Variants in GLI3 observed in about 807,000 individuals in gnomAD.
GLI3 encodes the protein GLI family zinc finger 3, also known as transcription activator GLI3.
Under a neutral mutation model 100.8 loss-of-function variants are expected in GLI3, and 20 were observed. The ratio of observed to expected loss-of-function variants is 0.20; its 90% CI spans 0.14 to 0.29. GLI3 has a LOEUF of 0.29. Among genes scored for constraint, GLI3 ranks in the 10% least tolerant of loss-of-function variants. The pLI is 1.00. For synonymous variants in GLI3, 938 were observed against 860.5 expected (o/e 1.09, Z -1.58); for missense variants, 2,040 against 2,128.5 (o/e 0.96, Z 0.82).
chr7:42,035,049 T>C (rs954941673), intron 7 of GLI3, among the ~76,000 whole-genome samples: 1 of 152,226 alleles, frequency 6.6e-6, no homozygotes, highest in Non-Finnish European at 1.5e-5. Context: ...GTAATATTAA[T>C]TACTTTTAAG....
At chr7:42,137,450 C>G (rs1463639449) in intron 3 of GLI3, among the ~76,000 whole-genome samples, 1 of 152,174 alleles carries the variant, frequency 6.6e-6, no homozygotes, top group Non-Finnish European at 1.5e-5. Flanking sequence ...CTCTCCGCTC[C>G]TGGTACTTTT....
chr7:42,177,351 A>G lies in GLI3; in HGVS notation c.125-28883T>C, dbSNP rs184348717. On this transcript the variant is annotated intron_variant, in intron 2 of 14. Coordinates refer to ENST00000395925, the MANE Select transcript of GLI3 (RefSeq NM_000168.6). ...AAGAGGACTGTAACTTCAAATAAAGAGAAAGATTTCATGACCTTGGCCTTT... is the reference window on the plus strand; with the variant it reads ...AAGAGGACTGTAACTTCAAATAAAGGGAAAGATTTCATGACCTTGGCCTTT... Among the ~76,000 whole-genome samples the G allele has an allele frequency of 2.6e-5, 4 of 152,284 alleles. No homozygotes were observed. In the East Asian group the frequency reaches 7.7e-4, roughly 29 times the overall value.
At position 41,962,944 on chromosome 7, in the gene GLI3, T is replaced by C. The variant is rs886062322; in HGVS notation, c.*1386A>G. The C allele has an allele frequency of 2.6e-5, 4 of 152,182 alleles. No individual in the cohort carries two copies. Among genetic ancestry groups the C allele is most frequent in the Non-Finnish European group, 5.9e-5 (4 of 68,036 alleles). 9.4% of individuals were successfully genotyped at this position (152,182 alleles called of 1,614,324 possible). A position where few individuals can be genotyped will look rare whatever the true frequency, so the allele number is the denominator to read the frequency against. On this transcript the variant is annotated 3_prime_UTR_variant, in exon 15 of 15. Transcript: ENST00000395925. ...CTCTTTGTGCACACACAGTATGACTTTTATGTGTATCAAATGCACGTGGGG... is the reference window on the plus strand; with the variant it reads ...CTCTTTGTGCACACACAGTATGACTCTTATGTGTATCAAATGCACGTGGGG...
intron 1 of GLI3, among the ~76,000 whole-genome samples, chr7:42,259,226 T>A (rs935841024): frequency 6.6e-6 from 1 of 152,250 alleles, no homozygotes; most frequent in African/African-American, 2.4e-5. Context: ...AAACAAATGC[T>A]ACCATTTTTG....
intron 4 of GLI3, among the ~76,000 whole-genome samples, chr7:42,062,120 T>C (rs567170174): frequency 4.6e-4 from 70 of 152,298 alleles, no homozygotes; most frequent in Non-Finnish European, 9.1e-4. Flanking sequence ...AAACAGCTTT[T>C]TGAGCCTCAC....
intron 13 of GLI3, among the ~76,000 whole-genome samples, chr7:41,969,778 A>G (rs1177668546): frequency 1.3e-5 from 2 of 152,232 alleles, no homozygotes; most frequent in African/African-American, 4.8e-5. Flanking sequence ...GAGCGTCCAC[A>G]TTTAAATAGA....
At chr7:42,184,966 T>C (rs1787689813) in intron 2 of GLI3, among the ~76,000 whole-genome samples, 1 of 152,120 alleles carries the variant, frequency 6.6e-6, no homozygotes, top group South Asian at 2.1e-4. Flanking sequence ...GGGCATTCCC[T>C]AATAAACATC....
chr7:42,143,796 C>CA (rs1468197726), intron 3 of GLI3, among the ~76,000 whole-genome samples: 1 of 152,202 alleles, frequency 6.6e-6, no homozygotes, highest in African/African-American at 2.4e-5. Flanking sequence ...AAGAATGAAT[C>CA]ATATTTTCCA....
intron 3 of GLI3, among the ~76,000 whole-genome samples, chr7:42,112,911 A>G (rs10256538): frequency 0.18 from 27,583 of 152,100 alleles, 4,032 homozygotes; most frequent in African/African-American, 0.41. Context: ...AGTGGCTCAC[A>G]TCTGTAATCC....
At chr7:42,262,575 A>G (rs1048600265) in intron 1 of GLI3, among the ~76,000 whole-genome samples, 1 of 152,102 alleles carries the variant, frequency 6.6e-6, no homozygotes, top group South Asian at 2.1e-4. Context: ...TTGTTTTCTA[A>G]CTAGTCACTA....
intron 10 of GLI3, among the ~76,000 whole-genome samples, chr7:41,989,545 C>T (rs568123389): frequency 4.6e-5 from 7 of 152,252 alleles, no homozygotes; most frequent in South Asian, 4.2e-4. Context: ...GTCCAGCATA[C>T]GGAGAAAGCA....
At chr7:42,241,005 C>T (rs1788918772), upstream of GLI3, among the ~76,000 whole-genome samples, 1 of 152,154 alleles carries the variant, frequency 6.6e-6, no homozygotes, top group South Asian at 2.1e-4. Flanking sequence ...GAGGATAGTC[C>T]ATGTGTACTA....
intron 2 of GLI3, among the ~76,000 whole-genome samples, chr7:42,198,278 T>C (rs1221350711): frequency 1.3e-5 from 2 of 152,034 alleles, no homozygotes; most frequent in Non-Finnish European, 2.9e-5. Context: ...GAGTGATTGG[T>C]TCCTTAAAGG....
At chr7:42,009,972 A>G (rs970403542) in intron 10 of GLI3, among the ~76,000 whole-genome samples, 22 of 152,092 alleles carry the variant, frequency 1.4e-4, no homozygotes, top group Non-Finnish European at 4.4e-5. Flanking sequence ...ATTTCCACAT[A>G]TTTACTTTCT....
intron 3 of GLI3, among the ~76,000 whole-genome samples, chr7:42,123,657 A>T (rs965925702): frequency 6.6e-6 from 1 of 152,184 alleles, no homozygotes; most frequent in African/African-American, 2.4e-5. Flanking sequence ...ATAAATATTC[A>T]ATTTTATTTT....
At chr7:42,129,698 C>T (rs1335841317) in intron 3 of GLI3, among the ~76,000 whole-genome samples, 1 of 152,142 alleles carries the variant, frequency 6.6e-6, no homozygotes, top group Non-Finnish European at 1.5e-5. Context: ...GTAATCTCAG[C>T]CACTAGGGAG....
chr7:42,182,557 A>G (rs1000364603), intron 2 of GLI3, among the ~76,000 whole-genome samples: 3 of 149,380 alleles, frequency 2.0e-5, no homozygotes, highest in Admixed American at 6.7e-5. Flanking sequence ...AGCTAAGCTT[A>G]TTACCAACTT....
intron 4 of GLI3, among the ~76,000 whole-genome samples, chr7:42,052,593 G>T (rs1409719805): frequency 6.6e-6 from 1 of 152,282 alleles, no homozygotes; most frequent in Admixed American, 6.5e-5. Context: ...TGTGTGTAAA[G>T]GTAGGAACAC....
At chr7:42,037,063 C>T (rs7799730) in intron 7 of GLI3, among the ~76,000 whole-genome samples, 31,673 of 152,034 alleles carry the variant, frequency 0.21, 3,471 homozygotes, top group East Asian at 0.4. Context: ...ATCGCTTGAA[C>T]CTGGCAGGCA....
Sources: gnomAD v4.1 joint callset for allele counts (sites outside exome capture counted in the v4.1 genomes callset) on GRCh38, gnomAD v4.1.1 for gene constraint, MANE v1.5 for transcripts, NCBI Gene and HGNC (gene_info 2026-07-23, HGNC 2026-07-21) for gene names.